The following ZNF385D variants were observed in gnomAD, a reference collection of about 807,000 sequenced individuals.
The protein encoded by ZNF385D is zinc finger protein 659.
A neutral mutation model predicts 35.8 loss-of-function variants in ZNF385D; 15 were observed. The observed-to-expected ratio is 0.42, with a 90% confidence interval of 0.28 to 0.64. The LOEUF is 0.64. ZNF385D is among the 30% of genes least tolerant of loss of function. The pLI, the probability that ZNF385D is intolerant of heterozygous loss-of-function variation, is 0.23. For missense variants in ZNF385D, 474 were observed against 494.6 expected (o/e 0.96, Z 0.39); for synonymous variants, 212 against 186.8 (o/e 1.13, Z -1.10).
At chr3:21,962,191 A>G (rs1454051749) in intron 3 of ZNF385D, among the ~76,000 whole-genome samples, 1 of 152,136 alleles carries the variant, frequency 6.6e-6, no homozygotes, top group East Asian at 1.9e-4. Context: ...GGAAGAGATG[A>G]TTATGTATTT....
At chr3:21,836,533 C>A (rs571200060) in intron 3 of ZNF385D, among the ~76,000 whole-genome samples, 32 of 152,138 alleles carry the variant, frequency 2.1e-4, no homozygotes, top group South Asian at 1.2e-3. Context: ...AAATCTCCAT[C>A]CTAGAACAAA....
At chr3:22,008,064 T>G (rs1341193367) in intron 3 of ZNF385D, among the ~76,000 whole-genome samples, 2 of 152,072 alleles carry the variant, frequency 1.3e-5, no homozygotes, top group African/African-American at 4.8e-5. Flanking sequence ...CAGAGTTTGA[T>G]GAGAAGTAGA....
rs1257739528 is a variant in ZNF385D, at chr3:21,684,388, CTCTCTCTCTCTCTCTCCT to C, written c.23-19378_23-19361del. On this transcript the variant is annotated intron_variant, in intron 1 of 7. Coordinates refer to ENST00000281523, the MANE Select transcript of ZNF385D (RefSeq NM_024697.3). ...CTCCTCTCTCTCTCTCTCTCTCTCT[CTCTCTCTCTCTCTCTCCT>C]CTCTCTCTCTCTCTCTCTCTCTCTC... 3.7e-4 allele frequency among the ~76,000 whole-genome samples: 32 copies of C among 86,986 alleles called. 1 individual carries two copies. The highest frequency in any genetic ancestry group is 1.6e-3 in the African/African-American group (29 of 18,524). 57.1% of individuals were successfully genotyped at this position (86,986 alleles called of 152,430 possible). A position where few individuals can be genotyped will look rare whatever the true frequency, so the allele number is the denominator to read the frequency against.
intron 3 of ZNF385D, among the ~76,000 whole-genome samples, chr3:21,978,559 G>A (rs987984640): frequency 1.3e-5 from 2 of 152,176 alleles, no homozygotes; most frequent in African/African-American, 4.8e-5. Context: ...TGTGATCTGA[G>A]ACATACGTTT....
chr3:21,455,259 A>G (rs1702724178), intron 4 of ZNF385D, among the ~76,000 whole-genome samples: 1 of 152,188 alleles, frequency 6.6e-6, no homozygotes, highest in East Asian at 1.9e-4. Flanking sequence ...TGGAACCAAA[A>G]AAGAACCCGC....
At chr3:21,623,680 C>CA (rs1475089412) in intron 2 of ZNF385D, among the ~76,000 whole-genome samples, 13 of 151,916 alleles carry the variant, frequency 8.6e-5, no homozygotes, top group Middle Eastern at 3.4e-3. Context: ...AACAAAAAAA[C>CA]AAAAAACCAC....
rs560528066 is a variant in ZNF385D at position 21,589,726 on chromosome 3, A to G, written c.166-25042T>C. The stretch of plus-strand genomic sequence containing the variant: ...ATTTCACAGAAAAGAAAACATACCA[A>G]TAAACATAAAATTCTTCTTAGTATC... On this transcript the variant is annotated intron_variant, in intron 2 of 7. Transcript: ENST00000281523. Among the ~76,000 whole-genome samples, 10 of 152,288 alleles carry G rather than the reference A, an allele frequency of 6.6e-5. No individual in the cohort carries two copies. The East Asian group carries it at 1.9e-3, about 29-fold the overall frequency.
At chr3:21,717,573 C>A (rs1222755036) in intron 1 of ZNF385D, among the ~76,000 whole-genome samples, 1 of 152,134 alleles carries the variant, frequency 6.6e-6, no homozygotes. Context: ...CACTGTGTCC[C>A]CACCCAAATC....
intron 5 of ZNF385D, among the ~76,000 whole-genome samples, chr3:21,426,835 T>C (rs757794496): frequency 1.1e-4 from 16 of 152,170 alleles, no homozygotes; most frequent in Non-Finnish European, 2.2e-4. Flanking sequence ...ATAAATAAAT[T>C]AAACAGGTTT....
At position 21,880,974 on chromosome 3, in the gene ZNF385D, G is replaced by A. The variant is rs748016890; in HGVS notation, c.326-215946C>T. Reference sequence around the variant, plus strand: ...AAGCCCTAACTCTGTTCAATTCTGTGAAGGCTGAGAGAGGTGAGGAAGCTG... The same window carrying A: ...AAGCCCTAACTCTGTTCAATTCTGTAAAGGCTGAGAGAGGTGAGGAAGCTG... On this transcript the variant is annotated intron_variant, in intron 3 of 5. Transcript: ENST00000494108. 4.7e-4 allele frequency among the ~76,000 whole-genome samples: 72 copies of A among 152,002 alleles called. 1 individual carries two copies. Among genetic ancestry groups the A allele is most frequent in the Non-Finnish European group, 9.4e-4 (64 of 67,956 alleles).
intron 2 of ZNF385D, among the ~76,000 whole-genome samples, chr3:22,340,076 A>G (rs1474159515): frequency 1.3e-5 from 2 of 152,250 alleles, no homozygotes; most frequent in Non-Finnish European, 2.9e-5. Flanking sequence ...ATTTCATTAA[A>G]CAAATTAAAA....
intron 2 of ZNF385D, among the ~76,000 whole-genome samples, chr3:21,611,963 G>A (rs1360919142): frequency 6.6e-6 from 1 of 152,150 alleles, no homozygotes; most frequent in Non-Finnish European, 1.5e-5. Context: ...GATAAAAATG[G>A]ATGCAAAACT....
At chr3:21,731,089 T>C (rs2125486988) in intron 1 of ZNF385D, among the ~76,000 whole-genome samples, 1 of 152,340 alleles carries the variant, frequency 6.6e-6, no homozygotes, top group South Asian at 2.1e-4. Context: ...TATATATGCA[T>C]ATTTAAATAT....
chr3:21,513,567 T>A (rs1707366289), intron 3 of ZNF385D, among the ~76,000 whole-genome samples: 1 of 152,054 alleles, frequency 6.6e-6, no homozygotes, highest in African/African-American at 2.4e-5. Context: ...GTCCAAGGCG[T>A]TATAGATAAA....
chr3:22,257,290 C>T (rs1010632158), intron 2 of ZNF385D, among the ~76,000 whole-genome samples: 14 of 151,914 alleles, frequency 9.2e-5, no homozygotes, highest in African/African-American at 3.1e-4. Flanking sequence ...ACTCAAAGTA[C>T]GAACTTGTTT....
At chr3:21,898,317 A>G (rs1203919185) in intron 3 of ZNF385D, among the ~76,000 whole-genome samples, 2 of 152,166 alleles carry the variant, frequency 1.3e-5, no homozygotes, top group African/African-American at 2.4e-5. Flanking sequence ...GCTCTACTCT[A>G]TACTAACACA....
At chr3:22,041,548 T>C (rs1409922149) in intron 3 of ZNF385D, among the ~76,000 whole-genome samples, 1 of 152,230 alleles carries the variant, frequency 6.6e-6, no homozygotes, top group Admixed American at 6.5e-5. Flanking sequence ...ATATCATTAC[T>C]ATTAAAAATC....
chr3:21,752,490 G>C (rs1359949433), upstream of ZNF385D, among the ~76,000 whole-genome samples: 1 of 152,134 alleles, frequency 6.6e-6, no homozygotes, highest in African/African-American at 2.4e-5. Context: ...AATGTGCATA[G>C]AAACTAGGGG....
chr3:21,547,699 C>T (rs910761640), intron 3 of ZNF385D, among the ~76,000 whole-genome samples: 2 of 151,756 alleles, frequency 1.3e-5, no homozygotes, highest in Non-Finnish European at 2.9e-5. Flanking sequence ...TCACTGCAAC[C>T]TCTGCCTTCC....
Sources: gnomAD v4.1 joint callset for allele counts (sites outside exome capture counted in the v4.1 genomes callset) on GRCh38, gnomAD v4.1.1 for gene constraint, MANE v1.5 for transcripts, NCBI Gene and HGNC (gene_info 2026-07-23, HGNC 2026-07-21) for gene names.